PALM2AKAP2: variants seen among roughly 807,000 people sequenced by gnomAD.
PALM2AKAP2 encodes PALM2 and AKAP2 fusion.
PALM2AKAP2 carries 37 observed loss-of-function variants against 71.5 expected under a neutral mutation model. The observed-to-expected ratio is 0.52, with a 90% CI of 0.40 to 0.68. The LOEUF (loss-of-function observed/expected upper bound fraction) is 0.68. Among genes scored for constraint, PALM2AKAP2 ranks in the 30% least tolerant of loss-of-function variants. The pLI is 0.00. For missense variants in PALM2AKAP2, 1,224 were observed against 1,191.8 expected (o/e 1.03, Z -0.40); for synonymous variants, 468 against 478.8 (o/e 0.98, Z 0.29).
intron 3 of PALM2AKAP2, among the ~76,000 whole-genome samples, chr9:109,921,790 G>A (rs896882192): frequency 1.3e-5 from 2 of 152,208 alleles, no homozygotes; most frequent in Non-Finnish European, 2.9e-5. Context: ...TAGGTACTGG[G>A]AGGCTAGATA....
chr9:109,791,041 C>G (rs746102394), intron 1 of PALM2AKAP2, among the ~76,000 whole-genome samples: 1 of 152,090 alleles, frequency 6.6e-6, no homozygotes, highest in Admixed American at 6.5e-5. Flanking sequence ...CCACAAAACC[C>G]GAAGGATATT....
chr9:109,670,019 T>C (rs1036255109), intron 1 of PALM2AKAP2, among the ~76,000 whole-genome samples: 1 of 152,158 alleles, frequency 6.6e-6, no homozygotes, highest in African/African-American at 2.4e-5. Context: ...CTAATATTAA[T>C]ATTTCAAGTT....
intron 6 of PALM2AKAP2, among the ~76,000 whole-genome samples, chr9:109,947,100 A>C (rs961435435): frequency 6.6e-6 from 1 of 152,244 alleles, no homozygotes; most frequent in African/African-American, 2.4e-5. Context: ...CTTATGGCCA[A>C]ACCTAAAACA....
At chr9:109,962,521 A>G (rs904436634) in intron 6 of PALM2AKAP2, among the ~76,000 whole-genome samples, 6 of 152,210 alleles carry the variant, frequency 3.9e-5, no homozygotes, top group African/African-American at 1.4e-4. Context: ...ATTGTCTGGT[A>G]CTTTACCAAA....
chr9:109,885,007 T>C (rs1010264556), intron 3 of PALM2AKAP2, among the ~76,000 whole-genome samples: 9 of 152,244 alleles, frequency 5.9e-5, no homozygotes, highest in African/African-American at 2.2e-4. Context: ...TAATTCTTTA[T>C]GTGCAGGCCA....
chr9:109,823,029 G>GC (rs1828052106), intron 1 of PALM2AKAP2, among the ~76,000 whole-genome samples: 1 of 152,112 alleles, frequency 6.6e-6, no homozygotes, highest in South Asian at 2.1e-4. Context: ...AAATAGGGTT[G>GC]CCCCATAGTG....
At chr9:109,724,366 G>T (rs2118641772) in intron 1 of PALM2AKAP2, among the ~76,000 whole-genome samples, 1 of 152,278 alleles carries the variant, frequency 6.6e-6, no homozygotes, top group South Asian at 2.1e-4. Context: ...GTGAGGTTTT[G>T]TGGTACTTGA....
At chr9:110,033,588 G>A (rs529295564) in intron 7 of PALM2AKAP2, among the ~76,000 whole-genome samples, 8 of 152,308 alleles carry the variant, frequency 5.3e-5, no homozygotes, top group African/African-American at 1.9e-4. Flanking sequence ...ACTTTATAAG[G>A]TCACAAATTC....
chr9:109,796,226 TATAG>T (rs1827248325), intron 1 of PALM2AKAP2, among the ~76,000 whole-genome samples: 1 of 152,220 alleles, frequency 6.6e-6, no homozygotes. Flanking sequence ...GAAATTTATA[TATAG>T]TCAGCAAAAT....
chr9:110,143,411 C>CAAAAA lies in PALM2AKAP2; in HGVS notation c.2569+4889_2569+4893dup, dbSNP rs10638600. Among the ~76,000 whole-genome samples, 30 of 69,050 alleles carry CAAAAA rather than the reference C, an allele frequency of 4.3e-4. 2 individuals carry two copies. Among genetic ancestry groups the CAAAAA allele is most frequent in the African/African-American group, 1.6e-3 (25 of 15,836 alleles). The allele number at this position is 69,050 out of a possible 152,430, so 45.3% of individuals were successfully genotyped here. On this transcript the variant is annotated intron_variant, in intron 2 of 3. Transcript: ENST00000374525. ...TACTCCAGGCTGGGCAGCAAAGTGC[C>CAAAAA]AAAAAAAAAAAAAAAAAAAAAGGAG... is the stretch of plus-strand genomic sequence containing the variant.
At chr9:109,960,402 C>A (rs1048906418) in intron 6 of PALM2AKAP2, among the ~76,000 whole-genome samples, 6 of 152,204 alleles carry the variant, frequency 3.9e-5, no homozygotes, top group African/African-American at 1.4e-4. Flanking sequence ...GGATCAGTAG[C>A]AGCACCTTTG....
At chr9:110,036,393 T>C (rs1833410297) in intron 7 of PALM2AKAP2, among the ~76,000 whole-genome samples, 1 of 152,218 alleles carries the variant, frequency 6.6e-6, no homozygotes, top group South Asian at 2.1e-4. Flanking sequence ...GGCAATGCTT[T>C]GTGCCATGTG....
intron 6 of PALM2AKAP2, among the ~76,000 whole-genome samples, chr9:109,948,883 C>T (rs1831571332): frequency 6.6e-6 from 1 of 152,088 alleles, no homozygotes. Flanking sequence ...AAATGAATGA[C>T]AAAAAATAGT....
At chr9:109,924,532 G>A (rs950320893) in intron 4 of PALM2AKAP2, among the ~76,000 whole-genome samples, 1 of 152,084 alleles carries the variant, frequency 6.6e-6, no homozygotes, top group African/African-American at 2.4e-5. Context: ...CCTGGGAGGC[G>A]GAGCTTGCAG....
intron 1 of PALM2AKAP2, among the ~76,000 whole-genome samples, chr9:109,745,791 G>T (rs7858265): frequency 6.6e-6 from 1 of 151,930 alleles, no homozygotes; most frequent in Non-Finnish European, 1.5e-5. Context: ...CTTGATTTAC[G>T]CAATGGTCTG....
At chr9:109,867,420 T>C in intron 1 of PALM2AKAP2, 71 bp from the exon 2 acceptor site, 2 of 1,561,934 alleles carry the variant, frequency 1.3e-6, no homozygotes, top group South Asian at 1.1e-5. Flanking sequence ...CTGCTGCTGC[T>C]GCTTTCTGCC....
intron 1 of PALM2AKAP2, among the ~76,000 whole-genome samples, chr9:110,114,777 C>G (rs182313536): frequency 5.3e-5 from 8 of 152,256 alleles, no homozygotes; most frequent in Admixed American, 1.3e-4. Context: ...AAGCAAATGG[C>G]GATCCCTTCC....
intron 6 of PALM2AKAP2, among the ~76,000 whole-genome samples, chr9:110,002,198 C>A (rs948702329): frequency 2.1e-4 from 32 of 151,838 alleles, no homozygotes; most frequent in Non-Finnish European, 4.6e-4. Flanking sequence ...CATCAATACC[C>A]AATTTATTGA....
intron 3 of PALM2AKAP2, among the ~76,000 whole-genome samples, chr9:109,881,874 C>CTTTTT (rs1829861981): frequency 2.0e-5 from 2 of 98,194 alleles, no homozygotes; most frequent in Admixed American, 1.2e-4. Flanking sequence ...AGCTTATGAG[C>CTTTTT]TCTTTTTTTT....
Sources: allele counts gnomAD v4.1 joint callset (sites outside exome capture counted in the v4.1 genomes callset), GRCh38; gene constraint gnomAD v4.1.1; transcripts MANE v1.5; gene names NCBI Gene and HGNC (gene_info 2026-07-23, HGNC 2026-07-21).